Variants in ESRRG observed in about 807,000 individuals in gnomAD.
ESRRG encodes estrogen-related receptor gamma.
ESRRG carries 13 observed loss-of-function variants against 44.0 expected under a neutral mutation model. That is an observed-to-expected ratio of 0.30 (90% CI 0.19 to 0.47). The LOEUF (loss-of-function observed/expected upper bound fraction) is 0.47, where lower values mean the gene tolerates loss of function less well. Ranked by LOEUF, ESRRG falls within the 20% of genes least tolerant of loss-of-function variation. The pLI is 1.00. For missense variants in ESRRG, 395 were observed against 580.6 expected, an observed-to-expected ratio of 0.68 and a Z score of 3.29; for synonymous variants, 215 against 214.6, an observed-to-expected ratio of 1.00 and a Z score of -0.02.
At chr1:216,639,037 T>C (rs566932925) in intron 3 of ESRRG, among the ~76,000 whole-genome samples, 20 of 152,308 alleles carry the variant, frequency 1.3e-4, no homozygotes, top group African/African-American at 4.6e-4. Flanking sequence ...TGCCATTTAA[T>C]TGGCTTCAAA....
At position 217,064,300 on chromosome 1, in the gene ESRRG, T is replaced by A. The variant is rs2089235506; in HGVS notation, c.-106+25207A>T. Among the ~76,000 whole-genome samples, 4 of 152,188 alleles carry A rather than the reference T, an allele frequency of 2.6e-5. No homozygotes were observed. In the South Asian group the frequency reaches 6.2e-4, roughly 24 times the overall value. On this transcript the variant is annotated intron_variant, in intron 1 of 7. Coordinates refer to the ESRRG transcript ENST00000359162. ...TATGTTGTGAAGATTAAATGATATGTATATATGTGCGTATATATAAGTACA... is the reference window on the plus strand; with the variant it reads ...TATGTTGTGAAGATTAAATGATATGAATATATGTGCGTATATATAAGTACA...
At chr1:216,599,751 G>A (rs1378798026) in intron 3 of ESRRG, among the ~76,000 whole-genome samples, 2 of 151,814 alleles carry the variant, frequency 1.3e-5, no homozygotes, top group Admixed American at 6.6e-5. Flanking sequence ...ACCATGAAGA[G>A]TGCGTGATAG....
chr1:216,569,803 A>G (rs958610350), intron 3 of ESRRG, among the ~76,000 whole-genome samples: 1 of 152,208 alleles, frequency 6.6e-6, no homozygotes, highest in East Asian at 1.9e-4. Flanking sequence ...TAACAGCATC[A>G]TCAGTATTAC....
rs1054733645 is a variant in ESRRG at position 216,719,822 on chromosome 1, A to T, written c.56+3422T>A. ...CTGCAACACACTAGGCTCAGTAAATAAAGCAGCAGTGCCATAAACACATTA... is the reference window on the plus strand; with the variant it reads ...CTGCAACACACTAGGCTCAGTAAATTAAGCAGCAGTGCCATAAACACATTA... On this transcript the variant is annotated intron_variant, in intron 1 of 6. Coordinates refer to ENST00000408911, the MANE Select transcript of ESRRG (RefSeq NM_001438.4). Among the ~76,000 whole-genome samples the T allele has an allele frequency of 2.6e-5, 4 of 152,078 alleles. No individual in the cohort carries two copies. In the East Asian group the frequency reaches 7.7e-4, roughly 29 times the overall value.
At chr1:216,994,089 GC>G (rs2076061864) in intron 1 of ESRRG, among the ~76,000 whole-genome samples, 1 of 152,114 alleles carries the variant, frequency 6.6e-6, no homozygotes, top group Non-Finnish European at 1.5e-5. Context: ...TTAAATGTAA[GC>G]ATATCTCTGA....
chr1:217,135,830 C>T (rs2093041810), intron 1 of ESRRG, among the ~76,000 whole-genome samples: 1 of 152,202 alleles, frequency 6.6e-6, no homozygotes, highest in Non-Finnish European at 1.5e-5. Context: ...GGGATTCGGG[C>T]TGCCGCGTGT....
intron 1 of ESRRG, among the ~76,000 whole-genome samples, chr1:217,064,268 A>T (rs1174294963): frequency 1.3e-5 from 2 of 152,086 alleles, no homozygotes; most frequent in Non-Finnish European, 2.9e-5. Context: ...ATATGTATGT[A>T]TATATGTATG....
At chr1:216,813,291 C>T (rs1250275181) in intron 2 of ESRRG, among the ~76,000 whole-genome samples, 1 of 152,078 alleles carries the variant, frequency 6.6e-6, no homozygotes, top group African/African-American at 2.4e-5. Flanking sequence ...CAGCTGTGAC[C>T]CTCTGTGTGT....
At chr1:216,776,698 G>A (rs11572630) in intron 2 of ESRRG, among the ~76,000 whole-genome samples, 4,578 of 152,222 alleles carry the variant, frequency 0.03, 94 homozygotes, top group Non-Finnish European at 0.047. Context: ...ATTTTATGGA[G>A]TTCAGGAGGT....
chr1:217,020,739 T>C (rs2080168738), intron 1 of ESRRG, among the ~76,000 whole-genome samples: 1 of 152,218 alleles, frequency 6.6e-6, no homozygotes. Context: ...TCTTAAATCA[T>C]GGTAAATTAC....
intron 2 of ESRRG, among the ~76,000 whole-genome samples, chr1:216,736,226 A>T (rs868500513): frequency 7.8e-6 from 1 of 127,716 alleles, no homozygotes; most frequent in Non-Finnish European, 1.6e-5. Context: ...TCTGTCGCTC[A>T]GGCTGGAGTG....
At chr1:216,793,533 G>C (rs2094386041) in intron 2 of ESRRG, among the ~76,000 whole-genome samples, 1 of 152,090 alleles carries the variant, frequency 6.6e-6, no homozygotes, top group Non-Finnish European at 1.5e-5. Context: ...CCTGGAAGTG[G>C]ATTCCCCTGC....
chr1:216,892,862 C>T (rs1448853117), intron 2 of ESRRG, among the ~76,000 whole-genome samples: 1 of 152,086 alleles, frequency 6.6e-6, no homozygotes, highest in Non-Finnish European at 1.5e-5. Flanking sequence ...AAAAGCCCAA[C>T]TCCTCCCCTC....
At chr1:216,994,047 TA>T (rs2076057402) in intron 1 of ESRRG, among the ~76,000 whole-genome samples, 1 of 152,182 alleles carries the variant, frequency 6.6e-6, no homozygotes, top group African/African-American at 2.4e-5. Flanking sequence ...AAAGACTTTT[TA>T]AAAAATCTGT....
chr1:216,556,787 C>A (rs929631499), intron 5 of ESRRG, among the ~76,000 whole-genome samples: 7 of 152,116 alleles, frequency 4.6e-5, no homozygotes, highest in African/African-American at 1.7e-4. Context: ...GAATCACCCA[C>A]CACACAGTGA....
rs1239948280 is a variant in ESRRG, at chr1:217,056,716, GCAA to G, written c.-106+32788_-106+32790del. Among the ~76,000 whole-genome samples, 30 of 150,700 alleles carry G rather than the reference GCAA, an allele frequency of 2.0e-4. No homozygotes were observed. In the Admixed American group the frequency reaches 2.0e-3, roughly 10 times the overall value. On this transcript the variant is annotated intron_variant, in intron 1 of 7. Transcript: ENST00000359162. ...ATCCTTTGACTACTACACAAATAGAGCAACTAGATAACAAAACCCCAAATCCCT... is the reference window on the plus strand; with the variant it reads ...ATCCTTTGACTACTACACAAATAGAGCTAGATAACAAAACCCCAAATCCCT...
chr1:216,569,286 A>C (rs2149628499), intron 3 of ESRRG, among the ~76,000 whole-genome samples: 1 of 150,046 alleles, frequency 6.7e-6, no homozygotes, highest in South Asian at 2.1e-4. Context: ...GAAGGAAGGA[A>C]AGAAGGAAGG....
chr1:217,124,185 G>T (rs530683793), intron 1 of ESRRG, among the ~76,000 whole-genome samples: 41 of 152,158 alleles, frequency 2.7e-4, no homozygotes, highest in Non-Finnish European at 1.3e-4. Flanking sequence ...GTGATTAAAA[G>T]AGTAAACTGA....
chr1:216,949,906 G>A (rs888751455), intron 1 of ESRRG, among the ~76,000 whole-genome samples: 2 of 151,430 alleles, frequency 1.3e-5, no homozygotes, highest in African/African-American at 2.4e-5. Context: ...TCCACATCCC[G>A]GGCTCAGGCC....
Sources: allele counts gnomAD v4.1 joint callset (sites outside exome capture counted in the v4.1 genomes callset), GRCh38; gene constraint gnomAD v4.1.1; transcripts MANE v1.5; gene names NCBI Gene and HGNC (gene_info 2026-07-23, HGNC 2026-07-21).